Variants in KIF21A observed in about 807,000 individuals in gnomAD.
KIF21A encodes kinesin family member 21A, also known as kinesin-like protein KIF21A.
KIF21A carries 114 observed loss-of-function variants against 202.9 expected under a neutral mutation model. The observed-to-expected ratio is 0.56, with a 90% CI of 0.48 to 0.66. The LOEUF is 0.66. KIF21A is among the 30% of genes least tolerant of loss of function. KIF21A has a pLI of 0.00. For synonymous variants in KIF21A, 667 were observed against 670.8 expected (o/e 0.99, Z 0.09); for missense variants, 1,677 against 1,994.9 (o/e 0.84, Z 3.04).
In KIF21A at chr12:39,311,570, A is replaced by G; in HGVS notation, c.3960-17T>C. ...ATTATGCCCCTAAGGTGGGGAAAAAACAAACAAACCAAGACTCACTTCAGT... is the reference window on the plus strand; with the variant it reads ...ATTATGCCCCTAAGGTGGGGAAAAAGCAAACAAACCAAGACTCACTTCAGT... On this transcript the variant is annotated splice_polypyrimidine_tract_variant and intron_variant, in intron 31 of 37. Transcript: ENST00000361418. 1 of 1,612,088 alleles carries G rather than the reference A, an allele frequency of 6.2e-7. No homozygotes were observed. The highest frequency in any genetic ancestry group is 8.5e-7 in the Non-Finnish European group (1 of 1,178,680).
intron 1 of KIF21A, among the ~76,000 whole-genome samples, chr12:39,441,623 T>G (rs1183815319): frequency 1.7e-5 from 2 of 116,722 alleles, no homozygotes; most frequent in Non-Finnish European, 3.3e-5. Flanking sequence ...TAACAGGTGA[T>G]TCTAACCAGT....
chr12:39,331,345 T>A (rs75766457), intron 22 of KIF21A, among the ~76,000 whole-genome samples: 7,608 of 152,266 alleles, frequency 0.05, 648 homozygotes, highest in African/African-American at 0.17. Flanking sequence ...TCTGATTTGC[T>A]TTTGATCTGT....
At chr12:39,357,762 C>T (rs7971515) in intron 8 of KIF21A, among the ~76,000 whole-genome samples, 44,833 of 150,622 alleles carry the variant, frequency 0.3, 8,393 homozygotes, top group African/African-American at 0.53. Flanking sequence ...ATGCAAAAAT[C>T]AGCCAGGTGT....
intron 16 of KIF21A, among the ~76,000 whole-genome samples, chr12:39,339,209 GT>G (rs1461481950): frequency 1.4e-5 from 2 of 147,194 alleles, no homozygotes; most frequent in Non-Finnish European, 3.0e-5. Context: ...AACCTGGGAG[GT>G]GGGCAACAGA....
intron 1 of KIF21A, among the ~76,000 whole-genome samples, chr12:39,399,725 T>A (rs548248245): frequency 6.6e-6 from 1 of 152,298 alleles, no homozygotes; most frequent in East Asian, 1.9e-4. Flanking sequence ...TGCCCCTGTG[T>A]CTCTCTGATA....
intron 1 of KIF21A, among the ~76,000 whole-genome samples, chr12:39,437,717 T>G (rs888417964): frequency 1.3e-5 from 2 of 152,202 alleles, no homozygotes; most frequent in Admixed American, 6.5e-5. Context: ...TACTGCTAGA[T>G]CTAAGCTCCA....
chr12:39,341,967 GT>G, intron 13 of KIF21A, 66 bp downstream of exon 13: 1 of 1,054,190 alleles, frequency 9.5e-7, no homozygotes. Context: ...AAGTTAGTAA[GT>G]TATCATCAAC....
At chr12:39,357,601 A>G (rs1948874805) in intron 8 of KIF21A, among the ~76,000 whole-genome samples, 164 bp from the exon 9 acceptor site, 1 of 151,988 alleles carries the variant, frequency 6.6e-6, no homozygotes, top group South Asian at 2.1e-4. Flanking sequence ...ACACTCCACA[A>G]TGCATTTGTT....
intron 11 of KIF21A, among the ~76,000 whole-genome samples, chr12:39,349,183 G>T (rs916400112): frequency 1.3e-5 from 2 of 148,706 alleles, no homozygotes; most frequent in African/African-American, 4.9e-5. Flanking sequence ...CTACACCCAT[G>T]AGAGGGAAAG....
In KIF21A at chr12:39,340,145, T is replaced by C. The variant is rs764901968; in HGVS notation, c.2310+20A>G. 8.8e-6 allele frequency: 14 copies of C among 1,592,076 alleles called. No homozygotes were observed. Among genetic ancestry groups the C allele is most frequent in the Non-Finnish European group, 4.3e-6 (5 of 1,161,680 alleles). ...AATCATACTGAACATCAAACGTTAA[T>C]GGAAAAAAATAATCAATACCTTTGT... On this transcript the variant is annotated intron_variant, in intron 16 of 37. Coordinates refer to ENST00000361418, the MANE Select transcript of KIF21A (RefSeq NM_001173464.2).
chr12:39,390,708 T>C (rs1213603964), intron 1 of KIF21A, among the ~76,000 whole-genome samples: 1 of 152,114 alleles, frequency 6.6e-6, no homozygotes, highest in African/African-American at 2.4e-5. Flanking sequence ...AATATATATA[T>C]ATTTGTCAGA....
At chr12:39,305,375 A>C (rs1377651555) in intron 34 of KIF21A, among the ~76,000 whole-genome samples, 2 of 151,272 alleles carry the variant, frequency 1.3e-5, no homozygotes, top group Non-Finnish European at 3.0e-5. Flanking sequence ...CAAGAAAAAA[A>C]AAAAAAAAAA....
Position 39,294,368 on chromosome 12 carries a change from T to A in KIF21A, c.*56A>T. The A allele has an allele frequency of 7.6e-7, 1 of 1,320,340 alleles. No homozygotes were observed. The highest frequency in any genetic ancestry group is 1.2e-5 in the South Asian group (1 of 84,794). The allele number at this position is 1,320,340 out of a possible 1,614,324, so 81.8% of individuals were successfully genotyped here. A position where few individuals can be genotyped will look rare whatever the true frequency, so the allele number is the denominator to read the frequency against. Reference sequence around the variant, plus strand: ...AGTAAGTACAGGACAACATTTTCCATAAAGAATACAGAGTATTATCACAGC... The same window carrying A: ...AGTAAGTACAGGACAACATTTTCCAAAAAGAATACAGAGTATTATCACAGC... On this transcript the variant is annotated 3_prime_UTR_variant, in exon 38 of 38. Coordinates refer to ENST00000361418, the MANE Select transcript of KIF21A (RefSeq NM_001173464.2).
At position 39,308,998 on chromosome 12, in the gene KIF21A, C is replaced by T. The variant is rs548123207; in HGVS notation, c.4277+588G>A. Among the ~76,000 whole-genome samples the T allele has an allele frequency of 4.6e-5, 7 of 152,096 alleles. No homozygotes were observed. The South Asian group carries it at 1.2e-3, about 27-fold the overall frequency. ...TGATTATTAAAAAATTCATCAATAT[C>T]ACAGCAAAAAGAATCACTTGTTCTA... On this transcript the variant is annotated intron_variant, in intron 33 of 37. Coordinates refer to ENST00000361418, the MANE Select transcript of KIF21A (RefSeq NM_001173464.2).
intron 1 of KIF21A, among the ~76,000 whole-genome samples, chr12:39,411,629 T>G (rs1260459733): frequency 6.6e-6 from 1 of 152,180 alleles, no homozygotes; most frequent in Non-Finnish European, 1.5e-5. Context: ...TGGGCTCAAG[T>G]GGCCCTCTTG....
At chr12:39,402,893 C>G (rs1952279045) in intron 1 of KIF21A, among the ~76,000 whole-genome samples, 1 of 152,098 alleles carries the variant, frequency 6.6e-6, no homozygotes, top group Admixed American at 6.6e-5. Context: ...AAAAAATTAC[C>G]TGTATATAAC....
At position 39,315,840 on chromosome 12, in the gene KIF21A, C is replaced by A; in HGVS notation, c.3947+92G>T. On this transcript the variant is annotated intron_variant, in intron 30 of 37. Transcript: ENST00000361418. ...TATGATTTACAACAAGTGATGCATG[C>A]AACAAAAATGAGACTTGCTTAGAAT... 3.4e-6 allele frequency: 3 copies of A among 872,846 alleles called. No individual in the cohort carries two copies. In the East Asian group the frequency reaches 7.2e-5, roughly 21 times the overall value. 54.1% of individuals were successfully genotyped at this position (872,846 alleles called of 1,614,324 possible). A position where few individuals can be genotyped will look rare whatever the true frequency, so the allele number is the denominator to read the frequency against.
intron 34 of KIF21A, 49 bp from the exon 35 acceptor site, chr12:39,304,987 G>C: frequency 1.1e-6 from 1 of 870,830 alleles, no homozygotes; most frequent in Non-Finnish European, 1.9e-6. Context: ...TTCTTAGTAT[G>C]ATGGGACTAA....
At chr12:39,329,345 T>C (rs575463205) in intron 24 of KIF21A, among the ~76,000 whole-genome samples, 10 of 152,300 alleles carry the variant, frequency 6.6e-5, no homozygotes, top group African/African-American at 2.4e-4. Flanking sequence ...AGCAATTTAA[T>C]ATTCTTCTGC....
Sources: gnomAD v4.1 joint callset for allele counts (sites outside exome capture counted in the v4.1 genomes callset) on GRCh38, gnomAD v4.1.1 for gene constraint, MANE v1.5 for transcripts, NCBI Gene and HGNC (gene_info 2026-07-23, HGNC 2026-07-21) for gene names.